Variants in TLE4 observed in about 807,000 individuals in gnomAD.
The protein encoded by TLE4 is TLE family member 4, transcriptional corepressor, also known as transducin-like enhancer protein 4.
TLE4 carries 8 observed loss-of-function variants against 92.8 expected under a neutral mutation model. The observed-to-expected ratio is 0.09, with a 90% CI of 0.05 to 0.16. The LOEUF is 0.16. Ranked by LOEUF, TLE4 falls within the 10% of genes least tolerant of loss-of-function variation. TLE4 has a pLI of 1.00. For synonymous variants in TLE4, 371 were observed against 374.1 expected (o/e 0.99, Z 0.10); for missense variants, 675 against 997.6 (o/e 0.68, Z 4.36).
intron 8 of TLE4, among the ~76,000 whole-genome samples, chr9:79,681,848 GTGTGTGTGTGTGTGTA>G (rs1448440308): frequency 4.0e-5 from 6 of 149,428 alleles, no homozygotes; most frequent in African/African-American, 1.0e-4. Context: ...GTGTGTGTGT[GTGTGTGTGTGTGTGTA>G]TGTGTGTGTG....
chr9:79,629,950 C>T (rs147244283), intron 6 of TLE4, among the ~76,000 whole-genome samples: 42 of 152,220 alleles, frequency 2.8e-4, no homozygotes, highest in African/African-American at 7.5e-4. Context: ...TATTTTGACA[C>T]GCTACCAAAA....
intron 4 of TLE4, among the ~76,000 whole-genome samples, chr9:79,609,288 C>T (rs2047823210): frequency 1.3e-5 from 2 of 152,242 alleles, no homozygotes; most frequent in South Asian, 4.1e-4. Context: ...AGCCTGTTGA[C>T]AGTCACATGT....
intron 3 of TLE4, chr9:79,575,802 C>A (rs1416971604): frequency 9.6e-6 from 2 of 209,116 alleles, no homozygotes; most frequent in African/African-American, 2.3e-5. Flanking sequence ...AACTTGCCTG[C>A]TGTGCTTAGG....
intron 5 of TLE4, among the ~76,000 whole-genome samples, chr9:79,624,619 C>T (rs1251652987): frequency 6.6e-6 from 1 of 152,190 alleles, no homozygotes; most frequent in East Asian, 1.9e-4. Flanking sequence ...TTTAGGCTGT[C>T]AGAGTTATGG....
At chr9:79,722,323 C>A in intron 17 of TLE4, 128 bp from the exon 18 acceptor site, 1 of 1,193,586 alleles carries the variant, frequency 8.4e-7, no homozygotes, top group Non-Finnish European at 1.1e-6. Flanking sequence ...TTGGTTCTCC[C>A]CTGTACAATT....
At chr9:79,635,466 C>A (rs949398971) in intron 6 of TLE4, among the ~76,000 whole-genome samples, 1 of 151,470 alleles carries the variant, frequency 6.6e-6, no homozygotes, top group Non-Finnish European at 1.5e-5. Context: ...TTTGCCTAAC[C>A]GAAGACCGCA....
At chr9:79,651,583 C>G (rs2059003397) in intron 6 of TLE4, among the ~76,000 whole-genome samples, 1 of 152,220 alleles carries the variant, frequency 6.6e-6, no homozygotes, top group Admixed American at 6.5e-5. Context: ...AAGGGCAGGC[C>G]TCTAGCTTTT....
chr9:79,660,933 G>A (rs1179418909), intron 8 of TLE4, among the ~76,000 whole-genome samples: 1 of 152,130 alleles, frequency 6.6e-6, no homozygotes, highest in Non-Finnish European at 1.5e-5. Context: ...TGGTTGGCAG[G>A]TTGGCTTTCT....
chr9:79,627,411 A>G lies in TLE4; in HGVS notation c.353A>G (p.Lys118Arg). 1 of 1,614,210 alleles carries G rather than the reference A, an allele frequency of 6.2e-7. No homozygotes were observed. The highest frequency in any genetic ancestry group is 8.5e-7 in the Non-Finnish European group (1 of 1,180,030). The stretch of plus-strand genomic sequence containing the variant: ...GTGGTGCAGGCTGTGGAACGGGCCA[A>G]GCAGGTGACCATGGCAGAACTGAAC... ...QQVVQAVERA[K>R]QVTMAELNAI... is the part of the protein sequence containing the mutation. The change falls in exon 6 of 20, where the codon AAG becomes AGG. Residue 118 changes from lysine to arginine, a missense_variant. By Grantham distance (26) the Lys-to-Arg change is conservative (BLOSUM62 2). Around this residue, in one of 5 missense-constraint regions of TLE4, gnomAD observed 68 missense variants for 141.2 expected, o/e 0.48. Coordinates refer to ENST00000376552, the MANE Select transcript of TLE4 (RefSeq NM_007005.6).
At chr9:79,591,068 G>C (rs913177681) in intron 4 of TLE4, among the ~76,000 whole-genome samples, 1 of 152,208 alleles carries the variant, frequency 6.6e-6, no homozygotes, top group African/African-American at 2.4e-5. Context: ...ACTATGTGCA[G>C]GTTGCTTTGA....
chr9:79,713,622 T>C (rs1034416866), intron 14 of TLE4, among the ~76,000 whole-genome samples: 3 of 152,184 alleles, frequency 2.0e-5, no homozygotes, highest in Admixed American at 2.0e-4. Flanking sequence ...GAAAGTACTT[T>C]TGTAAATTAG....
chr9:79,687,896 C>T (rs967289736), intron 8 of TLE4, among the ~76,000 whole-genome samples: 1 of 152,118 alleles, frequency 6.6e-6, no homozygotes, highest in African/African-American at 2.4e-5. Flanking sequence ...TTTTAATGAG[C>T]GTTAAAAGCA....
intron 14 of TLE4, among the ~76,000 whole-genome samples, chr9:79,714,128 G>A (rs1213464221): frequency 6.6e-6 from 1 of 151,990 alleles, no homozygotes; most frequent in Non-Finnish European, 1.5e-5. Context: ...CAAAGTGCTG[G>A]GATTACAGGC....
chr9:79,645,219 C>T (rs1317834772), intron 6 of TLE4, among the ~76,000 whole-genome samples: 1 of 152,068 alleles, frequency 6.6e-6, no homozygotes, highest in Non-Finnish European at 1.5e-5. Flanking sequence ...AGCAGGTTCA[C>T]CTTGCACTTG....
intron 4 of TLE4, among the ~76,000 whole-genome samples, chr9:79,594,847 T>G (rs1041862571): frequency 1.3e-5 from 2 of 152,232 alleles, no homozygotes. Flanking sequence ...GAAAATTTAT[T>G]AAGCGTAAGT....
intron 14 of TLE4, among the ~76,000 whole-genome samples, chr9:79,715,402 C>T (rs898983320): frequency 2.6e-5 from 4 of 152,066 alleles, no homozygotes; most frequent in Non-Finnish European, 5.9e-5. Flanking sequence ...ACAAGCGTTA[C>T]TGCCACCTTC....
intron 8 of TLE4, among the ~76,000 whole-genome samples, chr9:79,664,047 T>C (rs2060989505): frequency 1.3e-5 from 2 of 152,176 alleles, no homozygotes; most frequent in African/African-American, 4.8e-5. Context: ...AATTAATCTT[T>C]TTTAGTTTGT....
At chr9:79,573,655 T>C in intron 1 of TLE4, 34 bp from the exon 2 acceptor site, 1 of 1,537,360 alleles carries the variant, frequency 6.5e-7, no homozygotes, top group Middle Eastern at 1.7e-4. Context: ...GCCTGTGATG[T>C]GGGCTAATTA....
intron 10 of TLE4, among the ~76,000 whole-genome samples, chr9:79,706,245 A>G (rs558178125): frequency 5.3e-5 from 8 of 152,130 alleles, no homozygotes; most frequent in Admixed American, 2.0e-4. Context: ...GGGTCTCATT[A>G]TGTTACCTAG....
Sources: gnomAD v4.1 joint callset for allele counts (sites outside exome capture counted in the v4.1 genomes callset) on GRCh38, gnomAD v4.1.1 for gene constraint, gnomAD v4.1.1 regional missense constraint, MANE v1.5 for transcripts, NCBI Gene and HGNC (gene_info 2026-07-23, HGNC 2026-07-21) for gene names.